COL20A1: variants seen among roughly 807,000 people sequenced by gnomAD.
COL20A1 encodes collagen alpha-1(XX) chain.
COL20A1 carries 164 observed loss-of-function variants against 152.9 expected under a neutral mutation model. The ratio of observed to expected loss-of-function variants is 1.07; its 90% CI spans 0.94 to 1.22. The LOEUF is 1.22. Ranked by LOEUF, COL20A1 falls within the 50% of genes most tolerant of loss-of-function variation. The probability of loss-of-function intolerance (pLI) is 0.00; values close to 1 mark genes in which losing one functional copy is unlikely to be tolerated. For synonymous variants in COL20A1, 864 were observed against 756.0 expected (o/e 1.14, Z -2.34); for missense variants, 1,873 against 1,744.8 (o/e 1.07, Z -1.31).
intron 23 of COL20A1, 35 bp from the exon 24 acceptor site, chr20:63,320,004 C>T (rs1393871268): frequency 3.9e-6 from 6 of 1,547,450 alleles, no homozygotes; most frequent in African/African-American, 2.7e-5. Flanking sequence ...CCGGCCCCGC[C>T]TGGGCTGTGG....
chr20:63,325,874 GC>G (rs2068239570), intron 29 of COL20A1, among the ~76,000 whole-genome samples, 153 bp downstream of exon 29: 1 of 152,052 alleles, frequency 6.6e-6, no homozygotes, highest in African/African-American at 2.4e-5. Flanking sequence ...TCAGCCTGTG[GC>G]CTGGCCAGAA....
Position 63,305,611 on chromosome 20 carries a change from A to G in COL20A1, c.337+51A>G, listed in dbSNP as rs1047564103. 2.6e-6 allele frequency: 4 copies of G among 1,529,682 alleles called. No homozygotes were observed. Among genetic ancestry groups the G allele is most frequent in the Non-Finnish European group, 3.5e-6 (4 of 1,139,310 alleles). 94.8% of individuals were successfully genotyped at this position (1,529,682 alleles called of 1,614,324 possible). A position where few individuals can be genotyped will look rare whatever the true frequency, so the allele number is the denominator to read the frequency against. ...TACCCACTCCTCCAGGCCGGGTCCC[A>G]CCCTCCTCTGGGCTGGGGTCCCACC... is the stretch of plus-strand genomic sequence containing the variant. On this transcript the variant is annotated intron_variant, in intron 4 of 35. Transcript: ENST00000358894. This position sits in a 1 kb window ranked among gnomAD's most constrained non-coding sequence, Gnocchi z 4.9.
rs1568770518 is a variant in COL20A1, at chr20:63,308,039, G to A, written c.724G>A (p.Val242Met). ...DLNSLSTKEQ[V>M]LAAVRRLRYK... ...GAACTCCCTCAGCACCAAGGAACAG[G>A]TGCTGGCAGCTGTGCGCCGCCTCCG... is the stretch of plus-strand genomic sequence containing the variant. The change falls in exon 7 of 36, where the codon GTG becomes ATG. Residue 242 changes from valine to methionine, a missense_variant. Transcript: ENST00000358894. 2 of 1,612,574 alleles carry A rather than the reference G, an allele frequency of 1.2e-6. No individual in the cohort carries two copies. Among genetic ancestry groups the A allele is most frequent in the Admixed American group, 1.7e-5 (1 of 60,008 alleles).
At position 63,322,063 on chromosome 20, in the gene COL20A1, C is replaced by T. The variant is rs1312687913; in HGVS notation, c.3246C>T (p.Leu1082=). Residue 1082 remains leucine, a synonymous_variant, in exon 27 of 36, where the codon CTC becomes CTT. Coordinates refer to ENST00000358894, the MANE Select transcript of COL20A1 (RefSeq NM_020882.4). ...GPPGPQGPPG[L]PGRNGTPGEQ... The stretch of plus-strand genomic sequence containing the variant: ...CCCTGTTTGTGCCTCTGCAGGGCCT[C>T]CCTGGGAGGAATGGCACCCCAGGAG... 6 of 1,507,504 alleles carry T rather than the reference C, an allele frequency of 4.0e-6. No homozygotes were observed. In the African/African-American group the frequency reaches 8.6e-5, roughly 22 times the overall value. The allele number at this position is 1,507,504 out of a possible 1,614,324, so 93.4% of individuals were successfully genotyped here. A position where few individuals can be genotyped will look rare whatever the true frequency, so the allele number is the denominator to read the frequency against.
chr20:63,299,874 G>GTA lies in COL20A1; in HGVS notation c.193+1864_193+1865dup, dbSNP rs200147666. On this transcript the variant is annotated intron_variant, in intron 3 of 35. Transcript: ENST00000358894. ...GTGTGTATACATATATACGTTGTGT[G>GTA]TATATATATATGTACGTGTGTGTGT... Among the ~76,000 whole-genome samples, 1,087 of 151,140 alleles carry GTA rather than the reference G, an allele frequency of 7.2e-3. 7 individuals carry two copies. The highest frequency in any genetic ancestry group is 0.011 in the Non-Finnish European group (775 of 67,838).
chr20:63,320,495 T>C, intron 25 of COL20A1, 127 bp downstream of exon 25: 1 of 940,576 alleles, frequency 1.1e-6, no homozygotes, highest in Admixed American at 2.0e-5. Context: ...AGGGAAGGCT[T>C]TCAGAGGAGG....
chr20:63,320,581 C>T (rs952804010), intron 25 of COL20A1, among the ~76,000 whole-genome samples: 1 of 152,186 alleles, frequency 6.6e-6, no homozygotes, highest in African/African-American at 2.4e-5. Context: ...GCTGGGAACC[C>T]CTGGCTGCAC....
At chr20:63,329,234 C>T (rs1035187917) in intron 34 of COL20A1, 1 of 251,568 alleles carries the variant, frequency 4.0e-6, no homozygotes, top group Non-Finnish European at 7.6e-6. Context: ...TGGAAGCTGC[C>T]CACAGTGGCC....
chr20:63,296,127 C>G (rs1392858856), intron 2 of COL20A1, among the ~76,000 whole-genome samples: 1 of 152,272 alleles, frequency 6.6e-6, no homozygotes, highest in Admixed American at 6.5e-5. Context: ...TTCCGGGTTT[C>G]ACGGCTTGTC....
At position 63,319,538 on chromosome 20, in the gene COL20A1, A is replaced by T. The variant is rs2068130609; in HGVS notation, c.2858A>T (p.Gln953Leu). 1 of 1,598,226 alleles carries T rather than the reference A, an allele frequency of 6.3e-7. No individual in the cohort carries two copies. Among genetic ancestry groups the T allele is most frequent in the Non-Finnish European group, 8.5e-7 (1 of 1,173,290 alleles). ...CACCGTGACCCCAGGGCTGCCTTGC[A>T]GGAGGCCACCTTCGACCCGCAGGAA... ...YFHRDPRAAL[Q>L]EATFDPQEVR... The change falls in exon 23 of 36, where the codon CAG becomes CTG. Residue 953 changes from glutamine (Q) to leucine (L), a missense_variant. Coordinates refer to ENST00000358894, the MANE Select transcript of COL20A1 (RefSeq NM_020882.4). The surrounding 1 kb of genome is among the most constrained non-coding windows in gnomAD (Gnocchi z 4.4).
chr20:63,312,043 A>G lies in COL20A1; in HGVS notation c.1791A>G (p.Gly597=), dbSNP rs1017568665. 7 of 1,584,930 alleles carry G rather than the reference A, an allele frequency of 4.4e-6. No homozygotes were observed. The highest frequency in any genetic ancestry group is 1.9e-4 in the Middle Eastern group (1 of 5,376). ...VRVTYVSSEG[G]HSGQTEAPGN... ...TCACCTATGTGTCCAGCGAGGGTGGACACTCGGGGCAGGTGAGAGCAGAGC... is the reference window on the plus strand; with the variant it reads ...TCACCTATGTGTCCAGCGAGGGTGGGCACTCGGGGCAGGTGAGAGCAGAGC... The change falls in exon 14 of 36, where the codon GGA becomes GGG. Residue 597 remains glycine (G), a synonymous_variant. Transcript: ENST00000358894.
intron 21 of COL20A1, among the ~76,000 whole-genome samples, chr20:63,318,399 C>T (rs1353025743): frequency 2.0e-5 from 3 of 152,032 alleles, no homozygotes; most frequent in Non-Finnish European, 4.4e-5. Flanking sequence ...ATCAGGGGCC[C>T]GAGACCCTGC....
At chr20:63,317,725 C>G (rs1236737079) in intron 21 of COL20A1, among the ~76,000 whole-genome samples, 2 of 152,006 alleles carry the variant, frequency 1.3e-5, no homozygotes, top group Non-Finnish European at 2.9e-5. Context: ...CTCCCTCCCC[C>G]CAGTCTTGCT....
chr20:63,327,930 TTTCTC>T lies in COL20A1; in HGVS notation c.3529-18_3529-14del, dbSNP rs1341366335. ...TCTCAGGCCATCTCTGCTGACTTCT[TTTCTC>T]TTCCCCTCCTCATCAGGGACTGCCA... is the stretch of plus-strand genomic sequence containing the variant. On this transcript the variant is annotated splice_polypyrimidine_tract_variant and intron_variant, in intron 31 of 35. Transcript: ENST00000358894. The T allele has an allele frequency of 6.3e-7, 1 of 1,584,560 alleles. No individual in the cohort carries two copies. Among genetic ancestry groups the T allele is most frequent in the Non-Finnish European group, 8.6e-7 (1 of 1,164,518 alleles).
chr20:63,309,381 CG>C lies in COL20A1; in HGVS notation c.990del (p.Arg331GlyfsTer55), dbSNP rs1568772160. 1.7e-5 allele frequency: 26 copies of C among 1,548,784 alleles called. No individual in the cohort carries two copies. The highest frequency in any genetic ancestry group is 1.7e-4 in the Middle Eastern group (1 of 5,964). On this transcript the variant is annotated frameshift_variant, in exon 9 of 36. Transcript: ENST00000358894. LOFTEE classifies it high-confidence loss of function. ...GAGCTGAGGCTCCTGGCGTCCCCGC[CG>C]AGGGACATCACCGTCCACAGCGTGC... ...EAELRLLASP[P>X]RDITVHSVLD...
Position 63,319,912 on chromosome 20 carries a change from T to G in COL20A1, c.2917-127T>G. The G allele has an allele frequency of 1.1e-6, 1 of 908,704 alleles. No individual in the cohort carries two copies. The highest frequency in any genetic ancestry group is 1.6e-6 in the Non-Finnish European group (1 of 615,470). 56.3% of individuals were successfully genotyped at this position (908,704 alleles called of 1,614,324 possible). ...TCCCAGGGTCCCCCGAAACCTGAGG[T>G]GAGGTCAGGTTCCTGACCCCAGGTC... On this transcript the variant is annotated intron_variant, in intron 23 of 35. Transcript: ENST00000358894. This position sits in a 1 kb window ranked among gnomAD's most constrained non-coding sequence, Gnocchi z 4.4.
In COL20A1 at chr20:63,326,812, G is replaced by A. The variant is rs370233069; in HGVS notation, c.3517G>A (p.Val1173Met). The change falls in exon 31 of 36, where the codon GTG (valine) becomes ATG (methionine). Residue 1173 changes from valine (V) to methionine (M), a missense_variant. Coordinates refer to ENST00000358894, the MANE Select transcript of COL20A1 (RefSeq NM_020882.4). ...TSGERGPPGT[V>M]GPTGLPGPKG... is the part of the protein sequence containing the mutation. ...TGGAGAGCGAGGACCTCCAGGGACC[G>A]TGGGGCCCACAGTAAGTGCATTTCC... is the stretch of plus-strand genomic sequence containing the variant. 6.9e-5 allele frequency: 104 copies of A among 1,501,306 alleles called. No homozygotes were observed. Among genetic ancestry groups the A allele is most frequent in the Middle Eastern group, 1.7e-4 (1 of 5,754 alleles). The allele number at this position is 1,501,306 out of a possible 1,614,324, so 93.0% of individuals were successfully genotyped here.
chr20:63,307,416 CG>C, intron 5 of COL20A1, 73 bp from the exon 6 acceptor site: 1 of 1,424,924 alleles, frequency 7.0e-7, no homozygotes, highest in Non-Finnish European at 9.6e-7. Context: ...GCTGGAGCCC[CG>C]GGGTAGGTGA....
At chr20:63,294,632 C>T (rs1156763651) in intron 1 of COL20A1, among the ~76,000 whole-genome samples, 1 of 152,182 alleles carries the variant, frequency 6.6e-6, no homozygotes. Flanking sequence ...TCTGATGACC[C>T]TTCCGCCTCC....
Sources: gnomAD v4.1 joint callset for allele counts (sites outside exome capture counted in the v4.1 genomes callset) on GRCh38, gnomAD v4.1.1 for gene constraint, Gnocchi (gnomAD v3.1) non-coding constraint, MANE v1.5 for transcripts, NCBI Gene and HGNC (gene_info 2026-07-23, HGNC 2026-07-21) for gene names.